Variants in LEKR1 observed in about 807,000 individuals in gnomAD.
The protein encoded by LEKR1 is protein LEKR1.
Under a neutral mutation model 72.4 loss-of-function variants are expected in LEKR1, and 59 were observed. The observed-to-expected ratio is 0.82, with a 90% CI of 0.66 to 1.01. The LOEUF (loss-of-function observed/expected upper bound fraction) is 1.01, where lower values mean the gene tolerates loss of function less well. Among genes scored for constraint, LEKR1 ranks in the 50% least tolerant of loss-of-function variants. The probability of loss-of-function intolerance (pLI) is 0.00; values close to 1 mark genes in which losing one functional copy is unlikely to be tolerated. For synonymous variants in LEKR1, 257 were observed against 263.2 expected (o/e 0.98, Z 0.23); for missense variants, 728 against 759.2 (o/e 0.96, Z 0.48).
At chr3:156,928,153 A>G (rs973704031) in intron 5 of LEKR1, among the ~76,000 whole-genome samples, 1 of 152,076 alleles carries the variant, frequency 6.6e-6, no homozygotes, top group Admixed American at 6.6e-5. Context: ...ACAGAGGATA[A>G]ATGAGAAGAG....
intron 2 of LEKR1, among the ~76,000 whole-genome samples, chr3:156,838,016 T>A (rs1476456347): frequency 6.6e-6 from 1 of 152,192 alleles, no homozygotes; most frequent in Non-Finnish European, 1.5e-5. Flanking sequence ...CGTTTTTTAT[T>A]CCAGGCAGAG....
chr3:156,831,058 C>A (rs1179862472), intron 2 of LEKR1, among the ~76,000 whole-genome samples: 1 of 152,210 alleles, frequency 6.6e-6, no homozygotes, highest in South Asian at 2.1e-4. Context: ...TTACTCAAAT[C>A]AATCTCCGAA....
intron 6 of LEKR1, among the ~76,000 whole-genome samples, chr3:156,975,752 A>C (rs1295826991): frequency 6.6e-6 from 1 of 152,150 alleles, no homozygotes; most frequent in Non-Finnish European, 1.5e-5. Flanking sequence ...TTCTTATTTA[A>C]TATCTGCAAA....
intron 3 of LEKR1, among the ~76,000 whole-genome samples, chr3:156,910,293 C>T (rs1162935448): frequency 2.6e-5 from 4 of 152,144 alleles, no homozygotes; most frequent in South Asian, 2.1e-4. Context: ...CTCTCCTTCC[C>T]TCCTTTCTCT....
At chr3:156,955,152 T>A (rs1024349617) in intron 6 of LEKR1, among the ~76,000 whole-genome samples, 1 of 152,016 alleles carries the variant, frequency 6.6e-6, no homozygotes, top group Non-Finnish European at 1.5e-5. Flanking sequence ...ATTATTTGGC[T>A]CTTGGCTCAC....
chr3:156,902,571 T>A (rs1722140492), intron 3 of LEKR1, among the ~76,000 whole-genome samples: 1 of 152,176 alleles, frequency 6.6e-6, no homozygotes, highest in South Asian at 2.1e-4. Flanking sequence ...CATGTAAGAC[T>A]ACTAAAATTT....
chr3:156,830,484 G>A (rs1712231508), intron 2 of LEKR1, among the ~76,000 whole-genome samples: 1 of 152,140 alleles, frequency 6.6e-6, no homozygotes, highest in South Asian at 2.1e-4. Flanking sequence ...ACTATTTCAA[G>A]ATAAATGAAT....
chr3:157,045,770 A>T lies in LEKR1; in HGVS notation c.*20A>T, dbSNP rs1735714570. On this transcript the variant is annotated 3_prime_UTR_variant, in exon 13 of 13. Transcript: ENST00000356539. ...CAATGATCCAAAATGAGGAGCAGGAAGCTCCCTACAGCGTGCACGCTCTTT... is the reference window on the plus strand; with the variant it reads ...CAATGATCCAAAATGAGGAGCAGGATGCTCCCTACAGCGTGCACGCTCTTT... The T allele has an allele frequency of 1.3e-6, 2 of 1,596,436 alleles. No individual in the cohort carries two copies. Among genetic ancestry groups the T allele is most frequent in the African/African-American group, 1.3e-5 (1 of 74,784 alleles).
Position 156,852,892 on chromosome 3 carries a change from T to C in LEKR1, c.173T>C (p.Val58Ala), listed in dbSNP as rs1341522930. Residue 58 changes from valine (V) to alanine (A), a missense_variant, in exon 3 of 13, where the codon GTA becomes GCA. Val to Ala is a moderately conservative substitution (Grantham distance 64, BLOSUM62 0). Coordinates refer to ENST00000356539, the MANE Select transcript of LEKR1 (RefSeq NM_001004316.3). ...EKEMKFYQGS[V>A]DREKRLQEKL... is the part of the protein sequence containing the mutation. ...GAGATGAAATTTTATCAAGGAAGTGTAGATCGTGAAAAGAGACTTCAAGAA... is the reference window on the plus strand; with the variant it reads ...GAGATGAAATTTTATCAAGGAAGTGCAGATCGTGAAAAGAGACTTCAAGAA... 2 of 1,534,984 alleles carry C rather than the reference T, an allele frequency of 1.3e-6. No homozygotes were observed. Among genetic ancestry groups the C allele is most frequent in the Admixed American group, 3.9e-5 (2 of 50,950 alleles).
chr3:156,952,009 T>G (rs1727200041), intron 6 of LEKR1, among the ~76,000 whole-genome samples: 1 of 151,532 alleles, frequency 6.6e-6, no homozygotes, highest in African/African-American at 2.4e-5. Flanking sequence ...CATCTTTGAG[T>G]GTATGAAAGT....
intron 2 of LEKR1, among the ~76,000 whole-genome samples, chr3:156,846,265 G>A (rs893265362): frequency 2.3e-4 from 35 of 152,070 alleles, no homozygotes; most frequent in African/African-American, 6.3e-4. Flanking sequence ...TCTCAATTAA[G>A]GAGAGTTTTA....
rs778211457 is a variant in LEKR1 at position 157,045,332 on chromosome 3, C to G, written c.1669-8C>G. The G allele has an allele frequency of 1.9e-6, 3 of 1,600,534 alleles. No homozygotes were observed. The highest frequency in any genetic ancestry group is 2.2e-5 in the South Asian group (2 of 89,442). ...AAGTCTGCTTTCTTTTCCCCTCTCT[C>G]TTTTCAGAATACTTTTCTTCAGGAG... is the stretch of plus-strand genomic sequence containing the variant. On this transcript the variant is annotated splice_polypyrimidine_tract_variant and splice_region_variant and intron_variant, in intron 12 of 12. Transcript: ENST00000356539.
At chr3:156,958,458 A>G (rs13314352) in intron 6 of LEKR1, among the ~76,000 whole-genome samples, 7,039 of 152,162 alleles carry the variant, frequency 0.046, 582 homozygotes, top group African/African-American at 0.16. Context: ...TCTTGTCTCT[A>G]GGGTCCATGA....
chr3:156,890,427 A>T (rs1349316961), intron 3 of LEKR1, among the ~76,000 whole-genome samples: 3 of 152,208 alleles, frequency 2.0e-5, no homozygotes, highest in Non-Finnish European at 4.4e-5. Flanking sequence ...TCATTTAAGT[A>T]CGTATAATTG....
intron 2 of LEKR1, among the ~76,000 whole-genome samples, chr3:156,832,174 G>A (rs764767933): frequency 1.3e-5 from 2 of 152,154 alleles, no homozygotes; most frequent in East Asian, 3.8e-4. Context: ...CTTTCACACA[G>A]CACTTAAGTG....
At chr3:157,042,033 C>T (rs1026444457) in intron 12 of LEKR1, among the ~76,000 whole-genome samples, 9 of 152,132 alleles carry the variant, frequency 5.9e-5, no homozygotes, top group Non-Finnish European at 1.2e-4. Flanking sequence ...GTTTTATTTT[C>T]ATTTTTTAAT....
chr3:157,043,644 A>G (rs746954202), intron 12 of LEKR1, among the ~76,000 whole-genome samples: 6 of 152,210 alleles, frequency 3.9e-5, no homozygotes, highest in Non-Finnish European at 8.8e-5. Context: ...TTCGTCAGAT[A>G]TAATTGTTGG....
At position 156,938,016 on chromosome 3, in the gene LEKR1, G is replaced by T. The variant is rs548577370; in HGVS notation, c.560-4513G>T. On this transcript the variant is annotated intron_variant, in intron 5 of 12. Coordinates refer to ENST00000356539, the MANE Select transcript of LEKR1 (RefSeq NM_001004316.3). Reference sequence around the variant, plus strand: ...GGTAGCCAGGGATTAGGGATGATGGGGATAGTGGTAGGTTTGGCTATAAAG... The same window carrying T: ...GGTAGCCAGGGATTAGGGATGATGGTGATAGTGGTAGGTTTGGCTATAAAG... 2.6e-5 allele frequency among the ~76,000 whole-genome samples: 4 copies of T among 152,208 alleles called. No homozygotes were observed. The South Asian group carries it at 8.3e-4, about 32-fold the overall frequency.
At chr3:157,035,224 T>C (rs1264802315) in intron 12 of LEKR1, among the ~76,000 whole-genome samples, 1 of 152,236 alleles carries the variant, frequency 6.6e-6, no homozygotes, top group Non-Finnish European at 1.5e-5. Context: ...ATATTTGCTT[T>C]ATTTTGGTCT....
Sources: allele counts gnomAD v4.1 joint callset (sites outside exome capture counted in the v4.1 genomes callset), GRCh38; gene constraint gnomAD v4.1.1; transcripts MANE v1.5; gene names NCBI Gene and HGNC (gene_info 2026-07-23, HGNC 2026-07-21).